PTPRT: variants seen among roughly 807,000 people sequenced by gnomAD.
The protein encoded by PTPRT is protein tyrosine phosphatase receptor type T.
In PTPRT, 56 loss-of-function variants were observed where a neutral mutation model predicts 176.8. That is an observed-to-expected ratio of 0.32 (90% CI 0.26 to 0.40). The LOEUF (loss-of-function observed/expected upper bound fraction) is 0.40. Ranked by LOEUF, PTPRT falls within the 10% of genes least tolerant of loss-of-function variation. The pLI, the probability that PTPRT is intolerant of heterozygous loss-of-function variation, is 1.00. For missense variants in PTPRT, 1,540 were observed against 1,908.2 expected, an observed-to-expected ratio of 0.81 and a Z score of 3.60; for synonymous variants, 783 against 739.0, an observed-to-expected ratio of 1.06 and a Z score of -0.96.
At chr20:42,034,023 G>A in the PTPRT span, among the ~76,000 whole-genome samples, 1 of 152,144 alleles carries the variant, frequency 6.6e-6, no homozygotes, top group Non-Finnish European at 1.5e-5. Context: ...CTAGTTTTCT[G>A]TTGCGCATAC....
At chr20:42,572,616 G>C (rs540988924) in intron 7 of PTPRT, among the ~76,000 whole-genome samples, 3 of 152,282 alleles carry the variant, frequency 2.0e-5, no homozygotes, top group African/African-American at 4.8e-5. Context: ...CTCAGGCAAG[G>C]TCCACTTCTC....
intron 6 of PTPRT, among the ~76,000 whole-genome samples, chr20:42,700,446 T>C (rs553946717): frequency 6.6e-6 from 1 of 152,298 alleles, no homozygotes; most frequent in South Asian, 2.1e-4. Flanking sequence ...ACACCGCGGA[T>C]ATTTTCTCAG....
chr20:42,100,618 A>G (rs1023902360), intron 26 of PTPRT, among the ~76,000 whole-genome samples: 4 of 152,162 alleles, frequency 2.6e-5, no homozygotes, highest in Admixed American at 6.5e-5. Context: ...CTGGATGAGG[A>G]AGGCAGGGAG....
intron 15 of PTPRT, among the ~76,000 whole-genome samples, chr20:42,203,497 CT>C (rs1276699257): frequency 6.6e-6 from 1 of 152,158 alleles, no homozygotes; most frequent in Non-Finnish European, 1.5e-5. Flanking sequence ...CTCCATATTC[CT>C]TGATGTGTCC....
chr20:42,190,487 A>G (rs1169525841), intron 16 of PTPRT, among the ~76,000 whole-genome samples: 3 of 152,184 alleles, frequency 2.0e-5, no homozygotes, highest in Non-Finnish European at 2.9e-5. Flanking sequence ...TTCCTCTCCC[A>G]GAGAGGCCAT....
rs75576492 is a variant in PTPRT at position 42,851,212 on chromosome 20, C to T, written c.214+34595G>A. On this transcript the variant is annotated intron_variant, in intron 2 of 30. Transcript: ENST00000373187. ...TCAAGAAGTACTTGAGTTTTTGCCT[C>T]TGCTTTTATGTTGCATAATAAATAG... is the stretch of plus-strand genomic sequence containing the variant. 5.1e-3 allele frequency among the ~76,000 whole-genome samples: 772 copies of T among 152,254 alleles called. 3 individuals carry two copies. The highest frequency in any genetic ancestry group is 5.6e-3 in the Non-Finnish European group (384 of 68,024).
At chr20:42,113,171 T>C (rs1358869602) in intron 22 of PTPRT, among the ~76,000 whole-genome samples, 1 of 152,216 alleles carries the variant, frequency 6.6e-6, no homozygotes, top group Non-Finnish European at 1.5e-5. Flanking sequence ...TCAGAGGCCC[T>C]TGGGGTCTTT....
chr20:43,033,625 G>A (rs571646665), intron 1 of PTPRT, among the ~76,000 whole-genome samples: 4 of 152,132 alleles, frequency 2.6e-5, no homozygotes, highest in African/African-American at 9.7e-5. Context: ...ATAATGAAAA[G>A]ATGAGTAAAT....
intron 9 of PTPRT, among the ~76,000 whole-genome samples, chr20:42,364,522 T>C (rs942845767): frequency 6.6e-6 from 1 of 152,188 alleles, no homozygotes; most frequent in Non-Finnish European, 1.5e-5. Context: ...GATGAACATT[T>C]TTTTTTCTCC....
intron 11 of PTPRT, among the ~76,000 whole-genome samples, chr20:42,321,750 A>G (rs189037538): frequency 1.7e-3 from 258 of 152,322 alleles, no homozygotes; most frequent in Admixed American, 3.8e-3. Context: ...CTAATACCAT[A>G]CTAGACACAT....
intron 19 of PTPRT, among the ~76,000 whole-genome samples, chr20:42,127,007 G>C (rs1987890940): frequency 6.6e-6 from 1 of 152,216 alleles, no homozygotes; most frequent in African/African-American, 2.4e-5. Flanking sequence ...TTAGGGTGTA[G>C]TTAGGGAAAC....
Position 42,386,803 on chromosome 20 carries a change from T to C in PTPRT, c.1561-34518A>G, listed in dbSNP as rs2058749267. On this transcript the variant is annotated intron_variant, in intron 9 of 30. Coordinates refer to ENST00000373187, the MANE Select transcript of PTPRT (RefSeq NM_007050.6). ...TGAACCCAGGAGGCGGAAGTTGCAGTGAGCCGAGATTGTGCCACTGCATTC... is the reference window on the plus strand; with the variant it reads ...TGAACCCAGGAGGCGGAAGTTGCAGCGAGCCGAGATTGTGCCACTGCATTC... Among the ~76,000 whole-genome samples the C allele has an allele frequency of 2.0e-5, 3 of 152,220 alleles. No individual in the cohort carries two copies. The South Asian group carries it at 6.2e-4, about 32-fold the overall frequency.
intron 7 of PTPRT, among the ~76,000 whole-genome samples, chr20:42,628,181 T>TA (rs2074331696): frequency 6.6e-6 from 1 of 152,104 alleles, no homozygotes; most frequent in Admixed American, 6.5e-5. Context: ...GGGATTTTAA[T>TA]AATCTCCCTG....
At chr20:42,065,032 C>A in the PTPRT span, among the ~76,000 whole-genome samples, 1 of 152,194 alleles carries the variant, frequency 6.6e-6, no homozygotes, top group East Asian at 1.9e-4. Flanking sequence ...TTGACAGCTC[C>A]ACTGAGTCTC....
intron 1 of PTPRT, among the ~76,000 whole-genome samples, chr20:43,073,015 C>T (rs2011201139): frequency 6.6e-6 from 1 of 152,154 alleles, no homozygotes; most frequent in Non-Finnish European, 1.5e-5. Context: ...CATCTGTGTG[C>T]TCAAAAAGAC....
intron 12 of PTPRT, among the ~76,000 whole-genome samples, chr20:42,313,742 A>G (rs1018062787): frequency 1.3e-5 from 2 of 152,072 alleles, no homozygotes; most frequent in African/African-American, 2.4e-5. Context: ...TGCTTCTGCC[A>G]ATTTTTATGT....
chr20:42,837,484 T>C (rs1320203007), intron 2 of PTPRT, among the ~76,000 whole-genome samples: 1 of 152,154 alleles, frequency 6.6e-6, no homozygotes, highest in East Asian at 1.9e-4. Flanking sequence ...GCACCACCCA[T>C]GCCCTGCCAT....
intron 15 of PTPRT, among the ~76,000 whole-genome samples, chr20:42,232,947 CA>C (rs2056166266): frequency 6.6e-6 from 1 of 152,090 alleles, no homozygotes; most frequent in Admixed American, 6.6e-5. Context: ...AGGCTGTGCC[CA>C]AACCCACCCC....
chr20:42,102,066 A>G, intron 26 of PTPRT, 58 bp downstream of exon 26: 1 of 1,578,536 alleles, frequency 6.3e-7, no homozygotes. Flanking sequence ...CCTCCACCTC[A>G]GGAAGAATAT....
Sources: allele counts gnomAD v4.1 joint callset (sites outside exome capture counted in the v4.1 genomes callset), GRCh38; gene constraint gnomAD v4.1.1; transcripts MANE v1.5; gene names NCBI Gene and HGNC (gene_info 2026-07-23, HGNC 2026-07-21).